The following MED13L variants were observed in gnomAD, a reference collection of about 807,000 sequenced individuals.
MED13L encodes the protein mediator complex subunit 13L, also known as mediator of RNA polymerase II transcription subunit 13-like.
Under a neutral mutation model 220.9 loss-of-function variants are expected in MED13L, and 7 were observed. The observed-to-expected ratio is 0.03, with a 90% CI of 0.02 to 0.06. The LOEUF (loss-of-function observed/expected upper bound fraction) is 0.06, where lower values mean the gene tolerates loss of function less well. Among genes scored for constraint, MED13L ranks in the 10% least tolerant of loss-of-function variants. The probability of loss-of-function intolerance (pLI) is 1.00; values close to 1 mark genes in which losing one functional copy is unlikely to be tolerated. For missense variants in MED13L, 1,965 were observed against 2,760.5 expected, an observed-to-expected ratio of 0.71 and a Z score of 6.46; for synonymous variants, 1,011 against 1,015.2, an observed-to-expected ratio of 1.00 and a Z score of 0.08.
chr12:116,060,664 A>G (rs1325510486), intron 4 of MED13L, among the ~76,000 whole-genome samples: 1 of 152,144 alleles, frequency 6.6e-6, no homozygotes, highest in Non-Finnish European at 1.5e-5. Context: ...CAATTAACTG[A>G]AAGTACTACT....
rs377004131 is a variant in MED13L, at chr12:116,188,910, T to C, written c.310+48558A>G. On this transcript the variant is annotated intron_variant, in intron 2 of 30. Coordinates refer to ENST00000281928, the MANE Select transcript of MED13L (RefSeq NM_015335.5). ...CTGTATATCAAGACTTTGTTCCTTTTGTTACCCAGTAGTATTATATTGTAT... is the reference window on the plus strand; with the variant it reads ...CTGTATATCAAGACTTTGTTCCTTTCGTTACCCAGTAGTATTATATTGTAT... 8.5e-5 allele frequency among the ~76,000 whole-genome samples: 13 copies of C among 152,340 alleles called. No homozygotes were observed. In the East Asian group the frequency reaches 2.3e-3, roughly 27 times the overall value.
intron 4 of MED13L, among the ~76,000 whole-genome samples, chr12:116,071,928 A>G (rs143256982): frequency 1.3e-5 from 2 of 152,340 alleles, no homozygotes; most frequent in Non-Finnish European, 2.9e-5. Context: ...ATAAGTAAGT[A>G]CTATGGGCTT....
chr12:116,267,971 AAC>A (rs1175450504), intron 1 of MED13L, among the ~76,000 whole-genome samples: 15 of 152,368 alleles, frequency 9.8e-5, no homozygotes, highest in Admixed American at 9.8e-4. Context: ...ATATATTCAG[AAC>A]ACAGAGTTAA....
chr12:116,186,056 G>A (rs980665699), intron 2 of MED13L, among the ~76,000 whole-genome samples: 10 of 152,046 alleles, frequency 6.6e-5, no homozygotes, highest in African/African-American at 2.2e-4. Flanking sequence ...AAACAAATAC[G>A]CTACCTCTTC....
chr12:116,029,605 A>G (rs184103429), intron 4 of MED13L, among the ~76,000 whole-genome samples: 5 of 152,320 alleles, frequency 3.3e-5, no homozygotes, highest in African/African-American at 1.2e-4. Flanking sequence ...TGGTACAGGA[A>G]TAACAACAAA....
chr12:116,210,931 G>T (rs111398082), intron 2 of MED13L, among the ~76,000 whole-genome samples: 80 of 152,202 alleles, frequency 5.3e-4, no homozygotes, highest in Non-Finnish European at 7.6e-4. Flanking sequence ...ACCACCTGAA[G>T]CTATCAACTT....
intron 2 of MED13L, among the ~76,000 whole-genome samples, chr12:116,227,729 A>T (rs1869145497): frequency 6.6e-6 from 1 of 152,160 alleles, no homozygotes. Flanking sequence ...TGCTAGAAAC[A>T]ATATTAAAGT....
At chr12:115,972,283 TG>T (rs1437303376) in intron 25 of MED13L, 47 bp from the exon 26 acceptor site, 1 of 1,602,706 alleles carries the variant, frequency 6.2e-7, no homozygotes, top group Non-Finnish European at 8.5e-7. Flanking sequence ...AAATTCATAC[TG>T]ATGGGAGATT....
rs1010250588 is a variant in MED13L, at chr12:116,051,707, G to A, written c.480-29106C>T. On this transcript the variant is annotated intron_variant, in intron 4 of 30. Transcript: ENST00000281928. ...ATACCTTAAGCACACAAATCCTGAA[G>A]GTAATTTTGCACAATATGTTAAATA... Among the ~76,000 whole-genome samples the A allele has an allele frequency of 5.9e-5, 9 of 152,236 alleles. No homozygotes were observed. In the East Asian group the frequency reaches 1.7e-3, roughly 29 times the overall value.
intron 4 of MED13L, among the ~76,000 whole-genome samples, chr12:116,031,445 A>G (rs1880728977): frequency 6.6e-6 from 1 of 151,448 alleles, no homozygotes; most frequent in Non-Finnish European, 1.5e-5. Context: ...CACAAAAATT[A>G]GCCTGGCATG....
intron 2 of MED13L, among the ~76,000 whole-genome samples, chr12:116,124,984 T>C (rs1028729121): frequency 1.3e-5 from 2 of 152,220 alleles, no homozygotes; most frequent in African/African-American, 4.8e-5. Context: ...TAGCAGTCTG[T>C]ACAATTAAGC....
At chr12:116,022,686 C>G in intron 4 of MED13L, 85 bp from the exon 5 acceptor site, 1 of 1,414,586 alleles carries the variant, frequency 7.1e-7, no homozygotes, top group Non-Finnish European at 9.7e-7. Flanking sequence ...AGATACAGCT[C>G]TACTTTATCA....
chr12:116,108,876 G>A (rs1873828445), intron 3 of MED13L, among the ~76,000 whole-genome samples: 1 of 151,968 alleles, frequency 6.6e-6, no homozygotes, highest in Admixed American at 6.6e-5. Flanking sequence ...GCATTATGTG[G>A]CACACATGAT....
chr12:116,217,771 T>C (rs1211607255), intron 2 of MED13L, among the ~76,000 whole-genome samples: 2 of 152,200 alleles, frequency 1.3e-5, no homozygotes, highest in African/African-American at 4.8e-5. Context: ...ACACATTACC[T>C]GGCCCTTATT....
intron 3 of MED13L, among the ~76,000 whole-genome samples, chr12:116,099,021 C>T (rs1055333038): frequency 1.3e-5 from 2 of 152,168 alleles, no homozygotes; most frequent in African/African-American, 2.4e-5. Context: ...CTACCAGAAT[C>T]ACTATACCAC....
intron 2 of MED13L, among the ~76,000 whole-genome samples, chr12:116,116,579 A>AC (rs1874539954): frequency 6.6e-6 from 1 of 151,794 alleles, no homozygotes; most frequent in African/African-American, 2.4e-5. Flanking sequence ...AATTAACAGA[A>AC]CCCAAGGAGG....
chr12:116,196,968 G>A (rs1395894817), intron 2 of MED13L, among the ~76,000 whole-genome samples: 1 of 152,108 alleles, frequency 6.6e-6, no homozygotes, highest in East Asian at 1.9e-4. Flanking sequence ...ATATCAATGG[G>A]AATCTTTCAA....
intron 23 of MED13L, among the ~76,000 whole-genome samples, chr12:115,978,547 G>A (rs923361388): frequency 1.3e-5 from 2 of 151,958 alleles, no homozygotes; most frequent in South Asian, 2.1e-4. Context: ...AGCTGGTCTC[G>A]AACTCCTGAC....
intron 2 of MED13L, among the ~76,000 whole-genome samples, chr12:116,139,968 C>T (rs1876915095): frequency 9.8e-6 from 1 of 101,934 alleles, no homozygotes; most frequent in Non-Finnish European, 2.0e-5. Context: ...AAAACTCCAT[C>T]TCAAAAAAAA....
Sources: allele counts gnomAD v4.1 joint callset (sites outside exome capture counted in the v4.1 genomes callset), GRCh38; gene constraint gnomAD v4.1.1; transcripts MANE v1.5; gene names NCBI Gene and HGNC (gene_info 2026-07-23, HGNC 2026-07-21).